The following PPP1R2 variants were observed in gnomAD, a reference collection of about 807,000 sequenced individuals.
PPP1R2 encodes the protein protein phosphatase 1 regulatory inhibitor subunit 2, also known as protein phosphatase inhibitor 2.
PPP1R2 carries 16 observed loss-of-function variants against 29.9 expected under a neutral mutation model. That is an observed-to-expected ratio of 0.53 (90% CI 0.36 to 0.81). The LOEUF is 0.81. PPP1R2 is among the 30% of genes least tolerant of loss of function. The pLI is 0.00. For synonymous variants in PPP1R2, 76 were observed against 91.5 expected (o/e 0.83, Z 0.96); for missense variants, 197 against 252.7 (o/e 0.78, Z 1.49).
intron 1 of PPP1R2, among the ~76,000 whole-genome samples, chr3:195,540,673 C>T (rs1719559885): frequency 6.6e-6 from 1 of 151,946 alleles, no homozygotes; most frequent in Admixed American, 6.6e-5. Context: ...GTTCTGGTGG[C>T]TTTATAAGAA....
rs1718849520 is a variant in PPP1R2, at chr3:195,523,586, CTG to C, written c.403+104_403+105del. The C allele has an allele frequency of 3.6e-6, 3 of 832,500 alleles. No homozygotes were observed. In the East Asian group the frequency reaches 8.0e-5, roughly 22 times the overall value. The allele number at this position is 832,500 out of a possible 1,614,324, so 51.6% of individuals were successfully genotyped here. ...AAGATGTTGCTTTCATTCTCCTCCC[CTG>C]TGTGTCCCCAAAATGAAAACCATTT... is the stretch of plus-strand genomic sequence containing the variant. On this transcript the variant is annotated intron_variant, in intron 4 of 5. Coordinates refer to ENST00000618156, the MANE Select transcript of PPP1R2 (RefSeq NM_006241.8).
At chr3:195,517,728 T>C (rs2686439) in intron 5 of PPP1R2, among the ~76,000 whole-genome samples, 55,815 of 151,646 alleles carry the variant, frequency 0.37, 10,710 homozygotes, top group African/African-American at 0.42. Flanking sequence ...TAACAAAAAA[T>C]AAAATAAAAA....
chr3:195,541,456 T>C (rs1290015626), intron 1 of PPP1R2, among the ~76,000 whole-genome samples: 5 of 9,950 alleles, frequency 5.0e-4, no homozygotes, highest in Middle Eastern at 0.071. Flanking sequence ...TTTTCTTTCC[T>C]TTTTTTTTTT....
intron 5 of PPP1R2, among the ~76,000 whole-genome samples, chr3:195,517,957 T>C (rs144024107): frequency 6.6e-6 from 1 of 152,326 alleles, no homozygotes; most frequent in East Asian, 1.9e-4. Context: ...TATTCATATT[T>C]AATACTATGC....
chr3:195,528,331 C>A (rs1388806000), intron 2 of PPP1R2, among the ~76,000 whole-genome samples: 2 of 152,156 alleles, frequency 1.3e-5, no homozygotes, highest in African/African-American at 4.8e-5. Context: ...TATATATATT[C>A]CATGGTACAT....
intron 1 of PPP1R2, among the ~76,000 whole-genome samples, chr3:195,539,630 T>G (rs574048352): frequency 5.7e-4 from 87 of 152,266 alleles, no homozygotes; most frequent in African/African-American, 2.0e-3. Context: ...TGCAGTGCGC[T>G]GTGATCGTGC....
At chr3:195,531,991 C>T (rs1719197030) in intron 1 of PPP1R2, among the ~76,000 whole-genome samples, 3 of 152,156 alleles carry the variant, frequency 2.0e-5, no homozygotes, top group Admixed American at 2.0e-4. Flanking sequence ...TCTCACTAAG[C>T]ATAATGTCTT....
At chr3:195,534,370 G>A (rs955859111) in intron 1 of PPP1R2, among the ~76,000 whole-genome samples, 3 of 152,100 alleles carry the variant, frequency 2.0e-5, no homozygotes, top group African/African-American at 7.2e-5. Context: ...TGATCTGCCT[G>A]TACAGGTTTT....
intron 3 of PPP1R2, among the ~76,000 whole-genome samples, chr3:195,524,100 A>G (rs79505943): frequency 6.6e-6 from 1 of 151,988 alleles, no homozygotes; most frequent in Non-Finnish European, 1.5e-5. Context: ...AAAAAAAAAA[A>G]GAATAAAAAG....
At chr3:195,537,127 T>C (rs1719418203) in intron 1 of PPP1R2, among the ~76,000 whole-genome samples, 4 of 152,022 alleles carry the variant, frequency 2.6e-5, no homozygotes, top group Admixed American at 2.0e-4. Flanking sequence ...TATATAACTA[T>C]ACATATAAAA....
intron 1 of PPP1R2, among the ~76,000 whole-genome samples, chr3:195,530,673 G>A (rs916837079): frequency 3.3e-5 from 5 of 151,260 alleles, no homozygotes; most frequent in African/African-American, 7.3e-5. Context: ...TGACAGGCGC[G>A]CACCACCACG....
Position 195,519,085 on chromosome 3 carries a change from A to G in PPP1R2, c.504T>C (p.Asp168=). ...RQLISKDLHD[D]DEDEEMLETA... ...TCTCTAACATTTCTTCATCTTCATC[A>G]TCATCATGTAGGTCTTTTGAAATTA... The change falls in exon 5 of 6, where the codon GAT becomes GAC. Residue 168 remains aspartate (D), a synonymous_variant. Transcript: ENST00000618156. 6.2e-7 allele frequency: 1 copy of G among 1,609,094 alleles called. No individual in the cohort carries two copies. Among genetic ancestry groups the G allele is most frequent in the Admixed American group, 1.7e-5 (1 of 59,958 alleles).
In PPP1R2 at chr3:195,516,886, C is replaced by T; in HGVS notation, c.*10G>A. ...TCTAACAAACAATTGCAGTGTTGAA[C>T]AAATCTCGTCTATGAACTTCGTAAT... On this transcript the variant is annotated 3_prime_UTR_variant, in exon 6 of 6. Transcript: ENST00000618156. 6.2e-7 allele frequency: 1 copy of T among 1,609,498 alleles called. No homozygotes were observed. The highest frequency in any genetic ancestry group is 1.1e-5 in the South Asian group (1 of 90,954).
intron 5 of PPP1R2, among the ~76,000 whole-genome samples, chr3:195,517,861 A>G (rs1165456470): frequency 6.6e-6 from 1 of 152,226 alleles, no homozygotes; most frequent in Non-Finnish European, 1.5e-5. Flanking sequence ...AAATAGACTA[A>G]AAGGTTGAAG....
intron 1 of PPP1R2, among the ~76,000 whole-genome samples, chr3:195,540,514 G>C (rs983695104): frequency 2.6e-5 from 4 of 152,200 alleles, no homozygotes; most frequent in African/African-American, 9.7e-5. Context: ...TGGTTTGAAC[G>C]TTTGTCCTCT....
intron 5 of PPP1R2, among the ~76,000 whole-genome samples, 184 bp from the exon 6 acceptor site, chr3:195,517,126 G>T (rs1718575383): frequency 6.6e-6 from 1 of 152,092 alleles, no homozygotes; most frequent in South Asian, 2.1e-4. Flanking sequence ...ATAGTCTAAA[G>T]AACAGAAGTG....
intron 5 of PPP1R2, among the ~76,000 whole-genome samples, chr3:195,518,379 C>A (rs1021989336): frequency 6.6e-6 from 1 of 152,118 alleles, no homozygotes; most frequent in Non-Finnish European, 1.5e-5. Context: ...AGGCTGGGCG[C>A]GGTGGCTCAT....
chr3:195,516,979 A>G (rs555510869), intron 5 of PPP1R2, 37 bp from the exon 6 acceptor site: 19 of 1,564,602 alleles, frequency 1.2e-5, no homozygotes, highest in Non-Finnish European at 1.7e-5. Flanking sequence ...ATAATTTGTT[A>G]TATGTTGTCA....
intron 1 of PPP1R2, among the ~76,000 whole-genome samples, chr3:195,535,159 T>G (rs965728911): frequency 6.6e-6 from 1 of 152,172 alleles, no homozygotes; most frequent in Non-Finnish European, 1.5e-5. Flanking sequence ...CCTCAGATCA[T>G]CAGGCATTAG....
Sources: gnomAD v4.1 joint callset for allele counts (sites outside exome capture counted in the v4.1 genomes callset) on GRCh38, gnomAD v4.1.1 for gene constraint, MANE v1.5 for transcripts, NCBI Gene and HGNC (gene_info 2026-07-23, HGNC 2026-07-21) for gene names.